The following ELAC1 variants were observed in gnomAD, a reference collection of about 807,000 sequenced individuals.
ELAC1 encodes the protein zinc phosphodiesterase ELAC protein 1.
Under a neutral mutation model 25.8 loss-of-function variants are expected in ELAC1, and 19 were observed. The ratio of observed to expected loss-of-function variants is 0.74; its 90% CI spans 0.51 to 1.08. The LOEUF is 1.08. ELAC1 is among the 50% of genes least tolerant of loss of function. The pLI is 0.00. For synonymous variants in ELAC1, 148 were observed against 160.9 expected (o/e 0.92, Z 0.61); for missense variants, 403 against 434.6 (o/e 0.93, Z 0.65).
At chr18:50,981,417 C>T (rs1907947366) in intron 2 of ELAC1, among the ~76,000 whole-genome samples, 1 of 151,578 alleles carries the variant, frequency 6.6e-6, no homozygotes, top group South Asian at 2.1e-4. Context: ...GCAATGTATA[C>T]AAACAATATA....
At chr18:50,977,103 G>T (rs1241584325) in intron 2 of ELAC1, among the ~76,000 whole-genome samples, 1 of 152,206 alleles carries the variant, frequency 6.6e-6, no homozygotes. Flanking sequence ...GTTTTCATGG[G>T]TTGGTGTTGA....
chr18:50,974,610 T>G (rs373618886), intron 2 of ELAC1, 49 bp downstream of exon 2: 33 of 1,574,934 alleles, frequency 2.1e-5, no homozygotes, highest in African/African-American at 2.0e-4. Context: ...TTGTTCTGCT[T>G]CATTTTCTTG....
Position 50,987,147 on chromosome 18 carries a change from GTTTT to G in ELAC1, c.*66_*69del, listed in dbSNP as rs1304106264. ...AATATGTTACTGAACCTATAGTCCA[GTTTT>G]TTTATTTCTTGTTTTAGTCTGAAAT... On this transcript the variant is annotated 3_prime_UTR_variant, in exon 4 of 4. Coordinates refer to ENST00000269466, the MANE Select transcript of ELAC1 (RefSeq NM_018696.3). The G allele has an allele frequency of 3.3e-6, 4 of 1,203,262 alleles. No individual in the cohort carries two copies. The highest frequency in any genetic ancestry group is 4.5e-6 in the Non-Finnish European group (4 of 892,662). 74.5% of individuals were successfully genotyped at this position (1,203,262 alleles called of 1,614,324 possible).
At chr18:50,981,092 C>T (rs1233316291) in intron 2 of ELAC1, among the ~76,000 whole-genome samples, 2 of 145,880 alleles carry the variant, frequency 1.4e-5, no homozygotes, top group Non-Finnish European at 2.9e-5. Context: ...CACCCCCACC[C>T]CCCGCCACCC....
At chr18:50,974,079 G>A (rs573845112) in intron 1 of ELAC1, among the ~76,000 whole-genome samples, 36 of 152,310 alleles carry the variant, frequency 2.4e-4, no homozygotes, top group African/African-American at 8.4e-4. Flanking sequence ...TGTATCACTA[G>A]CAAGCACGAT....
rs1908122656 is a variant in ELAC1 at position 50,986,859 on chromosome 18, A to G, written c.866A>G (p.His289Arg). The G allele has an allele frequency of 5.0e-6, 8 of 1,614,198 alleles. No homozygotes were observed. Among genetic ancestry groups the G allele is most frequent in the East Asian group, 2.2e-5 (1 of 44,884 alleles). ...GCCCAGATGGACAAAGCAAAGGAGCATGGCCACAGCACACCACAGATGGCA... is the reference window on the plus strand; with the variant it reads ...GCCCAGATGGACAAAGCAAAGGAGCGTGGCCACAGCACACCACAGATGGCA... Reference protein sequence around the residue: ...DDAQMDKAKEHGHSTPQMAAT... With the variant: ...DDAQMDKAKERGHSTPQMAAT... The change falls in exon 4 of 4, where the codon CAT (histidine) becomes CGT (arginine). Residue 289 changes from histidine to arginine, a missense_variant. By Grantham distance (29) the His-to-Arg change is conservative. Transcript: ENST00000269466.
At chr18:50,968,770 A>G (rs1012274438) in intron 1 of ELAC1, 2 of 152,228 alleles carry the variant, frequency 1.3e-5, no homozygotes, top group Non-Finnish European at 2.9e-5. Context: ...GTTTGCTCGC[A>G]TTTAATTCCT....
At chr18:50,978,246 T>G (rs978654292) in intron 2 of ELAC1, among the ~76,000 whole-genome samples, 6 of 152,150 alleles carry the variant, frequency 3.9e-5, no homozygotes. Flanking sequence ...CAGGTATCCT[T>G]ATAGCATTAT....
chr18:50,981,053 C>T (rs1356212677), intron 2 of ELAC1, among the ~76,000 whole-genome samples: 1 of 152,038 alleles, frequency 6.6e-6, no homozygotes, highest in East Asian at 1.9e-4. Context: ...ACATTGTACC[C>T]ATCAGGTAAC....
At position 50,987,117 on chromosome 18, in the gene ELAC1, C is replaced by T; in HGVS notation, c.*32C>T. 7.0e-7 allele frequency: 1 copy of T among 1,422,368 alleles called. No individual in the cohort carries two copies. The highest frequency in any genetic ancestry group is 9.5e-7 in the Non-Finnish European group (1 of 1,054,860). 88.1% of individuals were successfully genotyped at this position (1,422,368 alleles called of 1,614,324 possible). On this transcript the variant is annotated 3_prime_UTR_variant, in exon 4 of 4. Coordinates refer to ENST00000269466, the MANE Select transcript of ELAC1 (RefSeq NM_018696.3). ...TGTTCCTGAGTGCACACTGACATGT[C>T]TGTGAATATGTTACTGAACCTATAG...
At position 50,984,041 on chromosome 18, in the gene ELAC1, T is replaced by C. The variant is rs943859322; in HGVS notation, c.158-55T>C. 5 of 1,190,564 alleles carry C rather than the reference T, an allele frequency of 4.2e-6. No individual in the cohort carries two copies. In the African/African-American group the frequency reaches 7.7e-5, roughly 18 times the overall value. The allele number at this position is 1,190,564 out of a possible 1,614,324, so 73.8% of individuals were successfully genotyped here. A position where few individuals can be genotyped will look rare whatever the true frequency, so the allele number is the denominator to read the frequency against. ...TAGGCTTGTTTCAAATAGCTTTGTA[T>C]GGGTTTTTAGTTAATGAAAAATTTC... is the stretch of plus-strand genomic sequence containing the variant. On this transcript the variant is annotated intron_variant, in intron 2 of 3. Transcript: ENST00000269466.
At chr18:50,979,247 C>G (rs1222716566) in intron 2 of ELAC1, among the ~76,000 whole-genome samples, 1 of 152,136 alleles carries the variant, frequency 6.6e-6, no homozygotes, top group East Asian at 1.9e-4. Flanking sequence ...CTCCTAGTTA[C>G]TGTAGGTTAG....
At chr18:50,972,211 A>T (rs1024738022) in intron 1 of ELAC1, among the ~76,000 whole-genome samples, 1 of 151,884 alleles carries the variant, frequency 6.6e-6, no homozygotes, top group Non-Finnish European at 1.5e-5. Flanking sequence ...ACATTCTCCT[A>T]ATTTTTTTGA....
intron 2 of ELAC1, among the ~76,000 whole-genome samples, chr18:50,977,497 A>T (rs1031653997): frequency 6.6e-6 from 1 of 152,214 alleles, no homozygotes; most frequent in South Asian, 2.1e-4. Flanking sequence ...CCACACTGGG[A>T]TGCAGGGCAC....
At chr18:50,977,073 G>A (rs1475217337) in intron 2 of ELAC1, among the ~76,000 whole-genome samples, 3 of 152,222 alleles carry the variant, frequency 2.0e-5, no homozygotes, top group Non-Finnish European at 4.4e-5. Context: ...GCTTTACAGG[G>A]TATAGCCCAC....
chr18:50,984,608 T>C (rs770319685), intron 3 of ELAC1, 45 bp downstream of exon 3: 14 of 1,349,522 alleles, frequency 1.0e-5, no homozygotes, highest in African/African-American at 2.9e-5. Flanking sequence ...TTCTCATCAA[T>C]AGGGCTCCTG....
intron 2 of ELAC1, among the ~76,000 whole-genome samples, chr18:50,979,265 G>C (rs941950853): frequency 6.6e-6 from 1 of 152,080 alleles, no homozygotes; most frequent in African/African-American, 2.4e-5. Context: ...TAGGGAGTTC[G>C]GGCCTGGTTT....
intron 1 of ELAC1, among the ~76,000 whole-genome samples, chr18:50,971,912 G>GTGTGTATA (rs1368489485): frequency 2.6e-5 from 2 of 76,534 alleles, no homozygotes; most frequent in African/African-American, 9.8e-5. Context: ...GTGTGTGTGT[G>GTGTGTATA]TATATATATA....
chr18:50,971,005 A>G (rs1031937661), intron 1 of ELAC1, among the ~76,000 whole-genome samples: 1 of 152,244 alleles, frequency 6.6e-6, no homozygotes, highest in African/African-American at 2.4e-5. Flanking sequence ...AGAAGACTCT[A>G]TTAGCTGCAG....
Sources: gnomAD v4.1 joint callset for allele counts (sites outside exome capture counted in the v4.1 genomes callset) on GRCh38, gnomAD v4.1.1 for gene constraint, MANE v1.5 for transcripts, NCBI Gene and HGNC (gene_info 2026-07-23, HGNC 2026-07-21) for gene names.